METTL9: variants seen among roughly 807,000 people sequenced by gnomAD.
The protein encoded by METTL9 is protein-L-histidine N-pros-methyltransferase.
In METTL9, 10 loss-of-function variants were observed where a neutral mutation model predicts 36.0. That is an observed-to-expected ratio of 0.28 (90% CI 0.17 to 0.47). The LOEUF is 0.47. METTL9 is among the 20% of genes least tolerant of loss of function. The pLI, the probability that METTL9 is intolerant of heterozygous loss-of-function variation, is 0.99. For synonymous variants in METTL9, 175 were observed against 149.7 expected (o/e 1.17, Z -1.23); for missense variants, 246 against 383.5 (o/e 0.64, Z 3.00).
intron 4 of METTL9, among the ~76,000 whole-genome samples, chr16:21,650,327 T>C (rs2141623640): frequency 6.6e-6 from 1 of 152,010 alleles, no homozygotes; most frequent in African/African-American, 2.4e-5. Context: ...GCCAACATGG[T>C]AAAACCCCAT....
chr16:21,619,587 A>ATTTTTTTTTTTTTTTTTTTTTTTTTTT (rs35728063), intron 3 of METTL9, among the ~76,000 whole-genome samples: 1 of 124,224 alleles, frequency 8.0e-6, no homozygotes, highest in Non-Finnish European at 1.7e-5. Flanking sequence ...TGCCCGGCTA[A>ATTTTTTTTTTTTTTTTTTTTTTTTTTT]TTTTTTTTTT....
chr16:21,597,231 G>A, upstream of METTL9: 1 of 1,284,186 alleles, frequency 7.8e-7, no homozygotes, highest in South Asian at 1.2e-5. Context: ...GAGGCTCTCT[G>A]AGAAGAGACA....
chr16:21,599,851 C>A lies in METTL9; in HGVS notation c.118C>A (p.Pro40Thr). Residue 40 changes from proline (P) to threonine (T), a missense_variant, in exon 1 of 5, where the codon CCG (proline) becomes ACG (threonine). Coordinates refer to ENST00000358154, the MANE Select transcript of METTL9 (RefSeq NM_016025.5). This position sits in a 1 kb window ranked among gnomAD's most constrained non-coding sequence, Gnocchi z 4.4. ...RSLYVNMTSG[P>T]GGPAAAAGGR... is the part of the protein sequence containing the mutation. ...CCTGTACGTGAACATGACTAGCGGC[C>A]CGGGTGGGCCGGCGGCGGCCGCGGG... 6.6e-7 allele frequency: 1 copy of A among 1,508,594 alleles called. No individual in the cohort carries two copies. Among genetic ancestry groups the A allele is most frequent in the Non-Finnish European group, 8.8e-7 (1 of 1,134,984 alleles). 93.5% of individuals were successfully genotyped at this position (1,508,594 alleles called of 1,614,324 possible).
At chr16:21,643,263 C>T (rs1361041016) in intron 4 of METTL9, 1 of 779,180 alleles carries the variant, frequency 1.3e-6, no homozygotes, top group Non-Finnish European at 2.2e-6. Context: ...CAAAAACTAC[C>T]CCCTCCCCCA....
chr16:21,636,448 T>C (rs8045107), intron 4 of METTL9, among the ~76,000 whole-genome samples: 62,078 of 151,948 alleles, frequency 0.41, 13,606 homozygotes, highest in African/African-American at 0.57. Flanking sequence ...TTTTGAGAAG[T>C]GGGACTAGCC....
intron 4 of METTL9, among the ~76,000 whole-genome samples, chr16:21,632,584 C>T (rs535185133): frequency 7.7e-4 from 117 of 152,222 alleles, no homozygotes; most frequent in African/African-American, 2.6e-3. Context: ...TTGAGGGCCA[C>T]GCACATACGT....
chr16:21,635,725 A>G (rs780505873), intron 4 of METTL9, among the ~76,000 whole-genome samples: 2 of 152,146 alleles, frequency 1.3e-5, no homozygotes, highest in African/African-American at 2.4e-5. Flanking sequence ...ATGCATTTCA[A>G]GGGTGAGCCT....
At chr16:21,614,608 T>C (rs1210686074) in intron 2 of METTL9, among the ~76,000 whole-genome samples, 2 of 152,192 alleles carry the variant, frequency 1.3e-5, no homozygotes, top group East Asian at 1.9e-4. Flanking sequence ...ATCAGTACTT[T>C]CCGGTCATGG....
chr16:21,641,565 C>T (rs1966269265), intron 4 of METTL9: 1 of 1,592,058 alleles, frequency 6.3e-7, no homozygotes, highest in African/African-American at 1.3e-5. Flanking sequence ...AAGTACTCTT[C>T]TGTTTTCATA....
At chr16:21,629,501 G>A (rs1202550082) in intron 4 of METTL9, among the ~76,000 whole-genome samples, 1 of 152,166 alleles carries the variant, frequency 6.6e-6, no homozygotes, top group African/African-American at 2.4e-5. Context: ...TCTGACTTCA[G>A]GAATGAAGCT....
chr16:21,614,478 A>C (rs1965505443), intron 2 of METTL9, among the ~76,000 whole-genome samples: 1 of 152,192 alleles, frequency 6.6e-6, no homozygotes, highest in South Asian at 2.1e-4. Flanking sequence ...TGCAGTTAAT[A>C]AACCCCTTTT....
intron 4 of METTL9, chr16:21,639,450 G>A (rs535541433): frequency 2.0e-5 from 3 of 152,200 alleles, no homozygotes; most frequent in Non-Finnish European, 4.4e-5. Flanking sequence ...GATGGTATTA[G>A]TGCTTGCCCT....
intron 4 of METTL9, among the ~76,000 whole-genome samples, chr16:21,636,188 A>G (rs939455042): frequency 1.3e-4 from 20 of 152,172 alleles, no homozygotes; most frequent in African/African-American, 4.6e-4. Flanking sequence ...GTCCTCACTT[A>G]TATGAATAGG....
intron 3 of METTL9, among the ~76,000 whole-genome samples, chr16:21,621,358 G>A (rs374426877): frequency 8.7e-5 from 13 of 150,054 alleles, no homozygotes; most frequent in African/African-American, 2.9e-4. Flanking sequence ...ACAAAGTCTC[G>A]CTCCATCACC....
intron 4 of METTL9, chr16:21,644,278 G>T (rs756374074): frequency 4.5e-6 from 7 of 1,553,750 alleles, no homozygotes; most frequent in Non-Finnish European, 5.3e-6. Flanking sequence ...CATGCAAGAG[G>T]ATTTGACTTA....
At chr16:21,643,862 T>G (rs1966344818) in intron 4 of METTL9, among the ~76,000 whole-genome samples, 1 of 152,220 alleles carries the variant, frequency 6.6e-6, no homozygotes, top group Non-Finnish European at 1.5e-5. Flanking sequence ...TATTCTTTTT[T>G]AATAACTTTA....
intron 4 of METTL9, among the ~76,000 whole-genome samples, chr16:21,628,780 G>A (rs1468354188): frequency 6.6e-6 from 1 of 152,044 alleles, no homozygotes; most frequent in African/African-American, 2.4e-5. Flanking sequence ...ATAGATGTGA[G>A]CCACTGCACC....
intron 4 of METTL9, among the ~76,000 whole-genome samples, chr16:21,633,670 A>G (rs1048244143): frequency 1.3e-5 from 2 of 152,178 alleles, no homozygotes; most frequent in African/African-American, 4.8e-5. Context: ...TGCCTCATTG[A>G]TGAGTCTAAG....
At chr16:21,612,419 C>T (rs185173829) in intron 1 of METTL9, 1 of 405,050 alleles carries the variant, frequency 2.5e-6, no homozygotes, top group African/African-American at 2.1e-5. Context: ...CTCTACCTAC[C>T]TTGAGGGCTG....
Sources: gnomAD v4.1 joint callset for allele counts (sites outside exome capture counted in the v4.1 genomes callset) on GRCh38, gnomAD v4.1.1 for gene constraint, Gnocchi (gnomAD v3.1) non-coding constraint, MANE v1.5 for transcripts, NCBI Gene and HGNC (gene_info 2026-07-23, HGNC 2026-07-21) for gene names.